GUCY1A2: variants seen among roughly 807,000 people sequenced by gnomAD.
The protein encoded by GUCY1A2 is guanylate cyclase soluble subunit alpha-2.
GUCY1A2 carries 27 observed loss-of-function variants against 63.5 expected under a neutral mutation model. The ratio of observed to expected loss-of-function variants is 0.43; its 90% confidence interval spans 0.31 to 0.59. The LOEUF (loss-of-function observed/expected upper bound fraction) is 0.59. Among genes scored for constraint, GUCY1A2 ranks in the 20% least tolerant of loss-of-function variants. The probability of loss-of-function intolerance (pLI) is 0.11; values close to 1 mark genes in which losing one functional copy is unlikely to be tolerated. For missense variants in GUCY1A2, 768 were observed against 913.3 expected, an observed-to-expected ratio of 0.84 and a Z score of 2.05; for synonymous variants, 364 against 343.5, an observed-to-expected ratio of 1.06 and a Z score of -0.66.
intron 3 of GUCY1A2, among the ~76,000 whole-genome samples, chr11:106,942,551 C>T (rs537751978): frequency 8.5e-4 from 129 of 151,994 alleles, no homozygotes; most frequent in African/African-American, 3.1e-3. Flanking sequence ...CCGTGTGTCA[C>T]TGAAAATATT....
At chr11:106,969,960 A>C (rs1424466945) in intron 3 of GUCY1A2, among the ~76,000 whole-genome samples, 1 of 152,190 alleles carries the variant, frequency 6.6e-6, no homozygotes, top group African/African-American at 2.4e-5. Context: ...TATCCAACTA[A>C]GGAGTTTTGC....
At chr11:106,850,200 C>A (rs1859333444) in intron 4 of GUCY1A2, among the ~76,000 whole-genome samples, 1 of 151,700 alleles carries the variant, frequency 6.6e-6, no homozygotes, top group Admixed American at 6.6e-5. Context: ...GTCTATAATC[C>A]ATTTTTTCCC....
chr11:106,729,740 GA>G (rs1198458985), intron 6 of GUCY1A2, among the ~76,000 whole-genome samples: 1 of 152,022 alleles, frequency 6.6e-6, no homozygotes, highest in Admixed American at 6.6e-5. Context: ...AGGCTAGAAA[GA>G]GTGAAAATAT....
At chr11:106,823,363 GAGTT>G (rs1858927735) in intron 4 of GUCY1A2, among the ~76,000 whole-genome samples, 1 of 152,098 alleles carries the variant, frequency 6.6e-6, no homozygotes, top group Non-Finnish European at 1.5e-5. Context: ...TTCTGCTTCT[GAGTT>G]AGTTCACTTA....
intron 4 of GUCY1A2, among the ~76,000 whole-genome samples, chr11:106,862,803 C>A (rs1484744637): frequency 6.6e-6 from 1 of 152,064 alleles, no homozygotes; most frequent in Non-Finnish European, 1.5e-5. Flanking sequence ...AGATCCCTGG[C>A]TGGATTTTCA....
chr11:106,922,666 T>C (rs1372533837), intron 4 of GUCY1A2, among the ~76,000 whole-genome samples: 3 of 612 alleles, frequency 4.9e-3, no homozygotes, highest in African/African-American at 8.1e-3. Flanking sequence ...TAACTACATA[T>C]ATATATATAT....
chr11:106,883,088 T>C (rs1054985166), intron 4 of GUCY1A2, among the ~76,000 whole-genome samples: 11 of 152,056 alleles, frequency 7.2e-5, no homozygotes, highest in African/African-American at 2.7e-4. Flanking sequence ...ACATTGAAGG[T>C]ATCTAGAGAA....
chr11:106,903,846 T>G (rs568870349), intron 4 of GUCY1A2, among the ~76,000 whole-genome samples: 22 of 152,180 alleles, frequency 1.4e-4, no homozygotes, highest in Admixed American at 6.6e-4. Flanking sequence ...AGTAGCAACA[T>G]AGCAGCTCAT....
intron 4 of GUCY1A2, among the ~76,000 whole-genome samples, chr11:106,852,514 C>T (rs1859370096): frequency 6.6e-6 from 1 of 152,144 alleles, no homozygotes; most frequent in African/African-American, 2.4e-5. Context: ...GAGTCTTTAA[C>T]ATGAAGGGAT....
intron 3 of GUCY1A2, among the ~76,000 whole-genome samples, chr11:106,960,739 G>A (rs12575602): frequency 0.056 from 8,491 of 152,006 alleles, 728 homozygotes; most frequent in East Asian, 0.28. Flanking sequence ...TGGTAACAGC[G>A]GTAGTGCACG....
chr11:106,919,347 AC>A (rs1198482806), intron 4 of GUCY1A2, among the ~76,000 whole-genome samples: 5 of 152,162 alleles, frequency 3.3e-5, no homozygotes, highest in Non-Finnish European at 4.4e-5. Context: ...TTGTACACTG[AC>A]ATTTGCTAAA....
rs564745434 is a variant in GUCY1A2 at position 106,766,881 on chromosome 11, C to G, written c.1836+9558G>C. On this transcript the variant is annotated intron_variant, in intron 6 of 7. Coordinates refer to ENST00000526355, the MANE Select transcript of GUCY1A2 (RefSeq NM_000855.3). ...CCATATGCTAAAGATAATGGGCTAA[C>G]CTACTAAATGGGTTGATGAAATCAC... is the stretch of plus-strand genomic sequence containing the variant. Among the ~76,000 whole-genome samples, 8 of 152,120 alleles carry G rather than the reference C, an allele frequency of 5.3e-5. No homozygotes were observed. In the East Asian group the frequency reaches 1.3e-3, roughly 26 times the overall value.
intron 3 of GUCY1A2, among the ~76,000 whole-genome samples, chr11:106,953,352 C>G (rs562411176): frequency 6.6e-6 from 1 of 152,326 alleles, no homozygotes; most frequent in Non-Finnish European, 1.5e-5. Context: ...TTGAACCAGC[C>G]TTGCATCCCA....
chr11:106,874,917 T>C (rs1859729412), intron 4 of GUCY1A2, among the ~76,000 whole-genome samples: 1 of 152,172 alleles, frequency 6.6e-6, no homozygotes, highest in African/African-American at 2.4e-5. Flanking sequence ...TCTTTAAAGA[T>C]TCTTTTAGCA....
At chr11:106,842,614 T>C (rs901513202) in intron 4 of GUCY1A2, among the ~76,000 whole-genome samples, 16 of 152,012 alleles carry the variant, frequency 1.1e-4, no homozygotes, top group Admixed American at 3.3e-4. Flanking sequence ...TTCATCTCTA[T>C]GAGTTAACTA....
Position 106,932,820 on chromosome 11 carries a change from C to T in GUCY1A2, c.1206+6640G>A, listed in dbSNP as rs185202408. ...TAGAAAACCCAGAAATAAAGCTACA[C>T]ACAGCCATCTGATCTTCAGCAAAGT... On this transcript the variant is annotated intron_variant, in intron 4 of 7. Coordinates refer to ENST00000526355, the MANE Select transcript of GUCY1A2 (RefSeq NM_000855.3). Among the ~76,000 whole-genome samples, 475 of 151,848 alleles carry T rather than the reference C, an allele frequency of 3.1e-3. 1 individual carries two copies. The highest frequency in any genetic ancestry group is 5.6e-3 in the Non-Finnish European group (380 of 67,750).
At chr11:106,877,157 T>C (rs963239419) in intron 4 of GUCY1A2, among the ~76,000 whole-genome samples, 4 of 152,152 alleles carry the variant, frequency 2.6e-5, no homozygotes, top group South Asian at 2.1e-4. Context: ...CTAGTGATTT[T>C]TGAATGTTGA....
chr11:107,006,355 G>A (rs1040218287), intron 1 of GUCY1A2, among the ~76,000 whole-genome samples: 2 of 152,156 alleles, frequency 1.3e-5, no homozygotes, highest in African/African-American at 4.8e-5. Context: ...TTTCAGAGAT[G>A]GGAAGTGGAG....
intron 3 of GUCY1A2, among the ~76,000 whole-genome samples, chr11:106,943,590 G>C (rs192322207): frequency 6.6e-6 from 1 of 152,308 alleles, no homozygotes; most frequent in Admixed American, 6.5e-5. Flanking sequence ...TGAGGACAAG[G>C]ACCTTGCCCT....
Sources: allele counts gnomAD v4.1 joint callset (sites outside exome capture counted in the v4.1 genomes callset), GRCh38; gene constraint gnomAD v4.1.1; transcripts MANE v1.5; gene names NCBI Gene and HGNC (gene_info 2026-07-23, HGNC 2026-07-21).